Variants in ASXL3 observed in about 807,000 individuals in gnomAD.
The protein encoded by ASXL3 is putative Polycomb group protein ASXL3.
Under a neutral mutation model 170.6 loss-of-function variants are expected in ASXL3, and 34 were observed. The observed-to-expected ratio is 0.20, with a 90% CI of 0.15 to 0.27. The LOEUF (loss-of-function observed/expected upper bound fraction) is 0.27, where lower values mean the gene tolerates loss of function less well. Among genes scored for constraint, ASXL3 ranks in the 10% least tolerant of loss-of-function variants. ASXL3 has a pLI of 1.00. For missense variants in ASXL3, 2,592 were observed against 2,695.3 expected (o/e 0.96, Z 0.85); for synonymous variants, 1,002 against 989.1 (o/e 1.01, Z -0.24).
At chr18:33,676,092 C>T (rs1364328012) in intron 7 of ASXL3, among the ~76,000 whole-genome samples, 1 of 151,362 alleles carries the variant, frequency 6.6e-6, no homozygotes, top group Non-Finnish European at 1.5e-5. Flanking sequence ...GGTATGGTGG[C>T]AGGCACCTGT....
At chr18:33,671,606 A>G in intron 6 of ASXL3, 141 bp from the exon 7 acceptor site, 1 of 635,348 alleles carries the variant, frequency 1.6e-6, no homozygotes, top group Non-Finnish European at 2.5e-6. Context: ...TATATCCAGT[A>G]GGGGAATCAG....
intron 7 of ASXL3, among the ~76,000 whole-genome samples, chr18:33,679,826 C>T (rs1376868087): frequency 6.6e-6 from 1 of 152,056 alleles, no homozygotes; most frequent in Non-Finnish European, 1.5e-5. Context: ...CTTTTAATTA[C>T]ATCTGCCTTT....
intron 8 of ASXL3, among the ~76,000 whole-genome samples, chr18:33,720,012 AAGAAGT>A (rs1294202807): frequency 6.6e-6 from 1 of 152,046 alleles, no homozygotes; most frequent in Non-Finnish European, 1.5e-5. Flanking sequence ...TTTATGGAAG[AAGAAGT>A]AGATCAGGGC....
In ASXL3 at chr18:33,739,792, C is replaced by G. The variant is rs1468383989; in HGVS notation, c.2388C>G (p.Asn796Lys). Residue 796 changes from asparagine (N) to lysine (K), a missense_variant, in exon 11 of 12, where the codon AAC becomes AAG. Asn to Lys is a moderately conservative substitution (Grantham distance 94). This residue lies in a region of ASXL3 where 2,246 missense variants were observed against 2,219.6 expected (regional missense o/e 1.01). Coordinates refer to ENST00000269197, the MANE Select transcript of ASXL3 (RefSeq NM_030632.3). ...CCACTGCCAAACCTCTGGGAGAGAA[C>G]CTTACCTCCCAGCAGAAGAATCTGT... ...SSATAKPLGE[N>K]LTSQQKNLSN... The G allele has an allele frequency of 2.5e-6, 4 of 1,613,702 alleles. No individual in the cohort carries two copies. The highest frequency in any genetic ancestry group is 3.4e-6 in the Non-Finnish European group (4 of 1,179,806).
chr18:33,630,382 A>C (rs1020501367), intron 2 of ASXL3, among the ~76,000 whole-genome samples: 1 of 149,518 alleles, frequency 6.7e-6, no homozygotes, highest in East Asian at 2.0e-4. Flanking sequence ...ACAGAAACCT[A>C]TGGCTTTTTT....
rs553185180 is a variant in ASXL3 at position 33,742,292 on chromosome 18, A to G, written c.3040-596A>G. On this transcript the variant is annotated intron_variant, in intron 11 of 11. Coordinates refer to ENST00000269197, the MANE Select transcript of ASXL3 (RefSeq NM_030632.3). ...ACTTCTCTTGTGTTCTTATATGTATAAAGCAGCATGCAAGGTAGCATAGGA... is the reference window on the plus strand; with the variant it reads ...ACTTCTCTTGTGTTCTTATATGTATGAAGCAGCATGCAAGGTAGCATAGGA... Among the ~76,000 whole-genome samples, 49 of 152,350 alleles carry G rather than the reference A, an allele frequency of 3.2e-4. No individual in the cohort carries two copies. The Middle Eastern group carries it at 0.01, about 32-fold the overall frequency.
chr18:33,726,167 C>T (rs751843117), intron 8 of ASXL3, among the ~76,000 whole-genome samples: 11 of 152,120 alleles, frequency 7.2e-5, no homozygotes, highest in Non-Finnish European at 1.3e-4. Context: ...ACGTTTCATT[C>T]CTAAGTCCAA....
At chr18:33,676,808 T>G (rs2066438077) in intron 7 of ASXL3, among the ~76,000 whole-genome samples, 1 of 152,182 alleles carries the variant, frequency 6.6e-6, no homozygotes, top group Non-Finnish European at 1.5e-5. Flanking sequence ...ATAAACCACT[T>G]AAAACCCTCC....
At chr18:33,671,372 C>G (rs2066339115) in intron 6 of ASXL3, among the ~76,000 whole-genome samples, 1 of 152,182 alleles carries the variant, frequency 6.6e-6, no homozygotes, top group Admixed American at 6.5e-5. Context: ...AAGGTATAAT[C>G]TCTCCCTCTC....
In ASXL3 at chr18:33,743,236, C is replaced by G. The variant is rs759930213; in HGVS notation, c.3388C>G (p.Pro1130Ala). The change falls in exon 12 of 12, where the codon CCT (proline) becomes GCT (alanine). Residue 1130 changes from proline (P) to alanine (A), a missense_variant. By Grantham distance (27) the Pro-to-Ala change is conservative. Coordinates refer to ENST00000269197, the MANE Select transcript of ASXL3 (RefSeq NM_030632.3). Reference protein sequence around the residue: ...LFQTSKETRLPPPLSSKEGPP... With the variant: ...LFQTSKETRLAPPLSSKEGPP... ...CCAGACCTCTAAAGAGACCCGGTTG[C>G]CTCCTCCGCTCAGCTCAAAGGAAGG... 3 of 1,613,920 alleles carry G rather than the reference C, an allele frequency of 1.9e-6. No individual in the cohort carries two copies. In the African/African-American group the frequency reaches 4.0e-5, roughly 22 times the overall value.
chr18:33,607,705 GT>G, intron 2 of ASXL3, 29 bp downstream of exon 2: 1 of 1,502,158 alleles, frequency 6.7e-7, no homozygotes, highest in Non-Finnish European at 9.1e-7. Context: ...AACATTTTCT[GT>G]TTTCATTAAA....
rs574116304 is a variant in ASXL3 at position 33,697,530 on chromosome 18, C to T, written c.879+13962C>T. Among the ~76,000 whole-genome samples, 3 of 152,200 alleles carry T rather than the reference C, an allele frequency of 2.0e-5. No individual in the cohort carries two copies. In the South Asian group the frequency reaches 6.2e-4, roughly 32 times the overall value. On this transcript the variant is annotated intron_variant, in intron 8 of 11. Coordinates refer to ENST00000269197, the MANE Select transcript of ASXL3 (RefSeq NM_030632.3). The stretch of plus-strand genomic sequence containing the variant: ...AATCTTATGATATCTTAGGCAGAAC[C>T]AGATTTGTGCTCAGTTTATAGTGAA...
intron 8 of ASXL3, among the ~76,000 whole-genome samples, chr18:33,685,578 C>G (rs1424410535): frequency 6.6e-6 from 1 of 152,166 alleles, no homozygotes; most frequent in East Asian, 1.9e-4. Context: ...CTGCATTAGT[C>G]CATTTGCATT....
Position 33,739,041 on chromosome 18 carries a change from C to T in ASXL3, c.1637C>T (p.Ser546Phe). The T allele has an allele frequency of 6.2e-7, 1 of 1,613,402 alleles. No individual in the cohort carries two copies. The highest frequency in any genetic ancestry group is 8.5e-7 in the Non-Finnish European group (1 of 1,179,642). ...QLEVCDSLIP[S>F]TSSMTHVSDT... ...GAAGTCTGTGACTCTCTTATTCCTT[C>T]CACTTCATCTATGACTCATGTCAGT... Residue 546 changes from serine to phenylalanine, a missense_variant, in exon 11 of 12, where the codon TCC (serine) becomes TTC (phenylalanine). Coordinates refer to ENST00000269197, the MANE Select transcript of ASXL3 (RefSeq NM_030632.3).
chr18:33,693,065 G>T (rs959725371), intron 8 of ASXL3, among the ~76,000 whole-genome samples: 1 of 152,078 alleles, frequency 6.6e-6, no homozygotes. Flanking sequence ...CCTTATCTCC[G>T]AAGAAAATCA....
intron 4 of ASXL3, among the ~76,000 whole-genome samples, chr18:33,652,696 T>C (rs901771086): frequency 6.6e-6 from 1 of 151,512 alleles, no homozygotes; most frequent in Non-Finnish European, 1.5e-5. Context: ...ATGAAGTCCT[T>C]TTTCATTATT....
At chr18:33,654,535 A>T (rs141809456) in intron 4 of ASXL3, among the ~76,000 whole-genome samples, 1 of 152,084 alleles carries the variant, frequency 6.6e-6, no homozygotes, top group Non-Finnish European at 1.5e-5. Flanking sequence ...AGTGATGCCC[A>T]TGAATGAAAC....
At chr18:33,666,954 C>T (rs1483520656) in intron 5 of ASXL3, among the ~76,000 whole-genome samples, 2 of 152,122 alleles carry the variant, frequency 1.3e-5, no homozygotes, top group African/African-American at 2.4e-5. Context: ...AACAGCTAGT[C>T]AAGCATGGGG....
At chr18:33,663,845 G>A (rs1046858755) in intron 5 of ASXL3, among the ~76,000 whole-genome samples, 1 of 152,060 alleles carries the variant, frequency 6.6e-6, no homozygotes, top group Non-Finnish European at 1.5e-5. Flanking sequence ...ATTTTAAACT[G>A]TAGCAACCTC....
Sources: gnomAD v4.1 joint callset for allele counts (sites outside exome capture counted in the v4.1 genomes callset) on GRCh38, gnomAD v4.1.1 for gene constraint, gnomAD v4.1.1 regional missense constraint, MANE v1.5 for transcripts, NCBI Gene and HGNC (gene_info 2026-07-23, HGNC 2026-07-21) for gene names.